DHRS4L2: variants seen among roughly 807,000 people sequenced by gnomAD.
DHRS4L2 encodes dehydrogenase/reductase SDR family member 4-like 2.
In DHRS4L2, 22 loss-of-function variants were observed where a neutral mutation model predicts 23.9. That is an observed-to-expected ratio of 0.92 (90% CI 0.66 to 1.31). The LOEUF (loss-of-function observed/expected upper bound fraction) is 1.31, where lower values mean the gene tolerates loss of function less well. Among genes scored for constraint, DHRS4L2 ranks in the 40% most tolerant of loss-of-function variants. The pLI is 0.00. For synonymous variants in DHRS4L2, 141 were observed against 123.7 expected, an observed-to-expected ratio of 1.14 and a Z score of -0.93; for missense variants, 385 against 303.3, an observed-to-expected ratio of 1.27 and a Z score of -2.00.
At chr14:24,000,433 G>A (rs1462630798) in intron 3 of DHRS4L2, among the ~76,000 whole-genome samples, 1 of 151,686 alleles carries the variant, frequency 6.6e-6, no homozygotes, top group East Asian at 1.9e-4. Context: ...CCAGAAGCCA[G>A]AGAAGTGCTA....
intron 3 of DHRS4L2, 94 bp from the exon 4 acceptor site, chr14:24,000,769 A>G: frequency 9.1e-7 from 1 of 1,098,246 alleles, no homozygotes; most frequent in Non-Finnish European, 1.3e-6. Context: ...CAGCTCTGAC[A>G]AACATCCTAG....
chr14:24,005,781 T>A lies in DHRS4L2; in HGVS notation c.*23-105T>A, dbSNP rs867111416. ...AAGCTTGTACACTGATCCTGAAAAGTCATCTGATAATTCTTGATTAAGCAA... is the reference window on the plus strand; with the variant it reads ...AAGCTTGTACACTGATCCTGAAAAGACATCTGATAATTCTTGATTAAGCAA... On this transcript the variant is annotated intron_variant, in intron 7 of 7. Coordinates refer to ENST00000335125, the MANE Select transcript of DHRS4L2 (RefSeq NM_198083.4). 224 of 1,547,548 alleles carry A rather than the reference T, an allele frequency of 1.4e-4. 1 individual carries two copies. Among genetic ancestry groups the A allele is most frequent in the Non-Finnish European group, 4.4e-5 (50 of 1,145,474 alleles).
chr14:23,987,984 C>G (rs1309452522), upstream of DHRS4L2, among the ~76,000 whole-genome samples: 1 of 151,708 alleles, frequency 6.6e-6, no homozygotes, highest in African/African-American at 2.4e-5. Flanking sequence ...GTCTTGGACA[C>G]AGAATTTATA....
chr14:23,989,225 AG>A, intron 1 of DHRS4L2, 150 bp downstream of exon 1: 1 of 1,427,998 alleles, frequency 7.0e-7, no homozygotes, highest in Non-Finnish European at 9.3e-7. Flanking sequence ...GTCCGCCTGA[AG>A]CCCCTCCGAA....
At chr14:23,991,684 T>C (rs1251331685) in intron 2 of DHRS4L2, among the ~76,000 whole-genome samples, 2 of 150,030 alleles carry the variant, frequency 1.3e-5, no homozygotes, top group Non-Finnish European at 3.0e-5. Context: ...GGCTCAGGAG[T>C]ACTGCTGGGG....
chr14:23,978,196 AAC>A (rs2034003196), intron 1 of DHRS4L2, among the ~76,000 whole-genome samples: 1 of 151,356 alleles, frequency 6.6e-6, no homozygotes, highest in Admixed American at 6.6e-5. Flanking sequence ...ATTTGTACCA[AAC>A]ACACAAAAAT....
In DHRS4L2 at chr14:23,979,343, GGGAGAC is replaced by G. The variant is rs747505738; in HGVS notation, c.-176+9013_-176+9018del. ...ACTTAGACTCCCACACAATAGCAATGGGAGACGTTAACACCCCAACACCCCACTGTC... is the reference window on the plus strand; with the variant it reads ...ACTTAGACTCCCACACAATAGCAATGGTTAACACCCCAACACCCCACTGTC... On this transcript the variant is annotated intron_variant, in intron 1 of 5. Transcript: ENST00000534993. Among the ~76,000 whole-genome samples, 110 of 120,540 alleles carry G rather than the reference GGGAGAC, an allele frequency of 9.1e-4. 5 individuals are homozygous for G. The highest frequency in any genetic ancestry group is 1.4e-3 in the Non-Finnish European group (82 of 60,530). 79.1% of individuals were successfully genotyped at this position (120,540 alleles called of 152,430 possible).
rs1156367773 is a variant in DHRS4L2, at chr14:23,999,365, A to AC, written c.409-1498_409-1497insC. On this transcript the variant is annotated intron_variant, in intron 3 of 7. Coordinates refer to ENST00000335125, the MANE Select transcript of DHRS4L2 (RefSeq NM_198083.4). ...TTTGTAAAAAAAAAAAAAAAAAAAA[A>AC]AAAAAAAAACAATATCTGCAAAGCA... 7.7e-4 allele frequency among the ~76,000 whole-genome samples: 111 copies of AC among 143,628 alleles called. 3 individuals are homozygous for AC. Among genetic ancestry groups the AC allele is most frequent in the East Asian group, 5.1e-3 (26 of 5,072 alleles). The allele number at this position is 143,628 out of a possible 152,430, so 94.2% of individuals were successfully genotyped here.
chr14:23,997,666 T>C, intron 3 of DHRS4L2, among the ~76,000 whole-genome samples: 1 of 147,100 alleles, frequency 6.8e-6, no homozygotes. Flanking sequence ...CATCTACATT[T>C]TATCGTGAGA....
upstream of DHRS4L2, chr14:23,988,781 G>C (rs111695788): frequency 0.022 from 31,191 of 1,403,290 alleles, 993 homozygotes; most frequent in Non-Finnish European, 0.024. Flanking sequence ...CTGCGGGGCG[G>C]GGCGACTGGC....
At position 23,990,330 on chromosome 14, in the gene DHRS4L2, G is replaced by C. The variant is rs1315647739; in HGVS notation, c.277G>C (p.Ala93Pro). 1 of 1,611,892 alleles carries C rather than the reference G, an allele frequency of 6.2e-7. No homozygotes were observed. Among genetic ancestry groups the C allele is most frequent in the Admixed American group, 1.7e-5 (1 of 59,922 alleles). ...VTGTVCHVGK[A>P]EDRERLVAMA... ...GGGCACTGTGTGCCATGTGGGGAAG[G>C]CGGAGGACCGGGAGCGGCTGGTGGC... is the stretch of plus-strand genomic sequence containing the variant. The change falls in exon 2 of 8, where the codon GCG becomes CCG. Residue 93 changes from alanine (A) to proline (P), a missense_variant. Ala to Pro is a conservative substitution (Grantham distance 27). Coordinates refer to ENST00000335125, the MANE Select transcript of DHRS4L2 (RefSeq NM_198083.4).
intron 3 of DHRS4L2, among the ~76,000 whole-genome samples, 176 bp from the exon 4 acceptor site, chr14:24,000,687 T>A (rs1221950142): frequency 6.6e-6 from 1 of 151,852 alleles, no homozygotes; most frequent in Non-Finnish European, 1.5e-5. Flanking sequence ...GAGCAGCTGG[T>A]GAGAGCTACT....
At chr14:23,998,591 T>C (rs1364254061) in intron 3 of DHRS4L2, among the ~76,000 whole-genome samples, 29 of 151,398 alleles carry the variant, frequency 1.9e-4, no homozygotes, top group African/African-American at 6.8e-4. Flanking sequence ...AGGTGGCTTC[T>C]TAAACCTCAT....
chr14:23,979,265 C>G (rs1566488179), intron 1 of DHRS4L2, among the ~76,000 whole-genome samples: 2 of 144,808 alleles, frequency 1.4e-5, no homozygotes, highest in Non-Finnish European at 3.0e-5. Flanking sequence ...TATATGTACC[C>G]AATACAGGAG....
At chr14:23,976,186 G>GA (rs2033959992) in intron 1 of DHRS4L2, among the ~76,000 whole-genome samples, 1 of 151,766 alleles carries the variant, frequency 6.6e-6, no homozygotes, top group African/African-American at 2.4e-5. Context: ...CAGAATAGGA[G>GA]AAAATTCTTG....
chr14:23,970,359 G>T (rs554979719), intron 1 of DHRS4L2: 1 of 404,216 alleles, frequency 2.5e-6, no homozygotes, highest in Non-Finnish European at 4.9e-6. Flanking sequence ...GGTGGGGGGC[G>T]GGGGGCCGAA....
At chr14:24,005,602 CT>C (rs2034556685) in intron 7 of DHRS4L2, among the ~76,000 whole-genome samples, 3 of 152,078 alleles carry the variant, frequency 2.0e-5, no homozygotes, top group Admixed American at 1.3e-4. Context: ...ACCATTTTAT[CT>C]ATATAACTTT....
At chr14:23,974,384 CAAAT>C (rs552896204) in intron 1 of DHRS4L2, among the ~76,000 whole-genome samples, 136 of 150,562 alleles carry the variant, frequency 9.0e-4, no homozygotes, top group Middle Eastern at 3.4e-3. Context: ...CAGAAGACAA[CAAAT>C]AATGATGATC....
chr14:23,988,883 G>T, upstream of DHRS4L2: 2 of 1,583,250 alleles, frequency 1.3e-6, no homozygotes, highest in Non-Finnish European at 1.7e-6. Flanking sequence ...CCTTCGTCCT[G>T]CCCCTTCGCC....
Sources: gnomAD v4.1 joint callset for allele counts (sites outside exome capture counted in the v4.1 genomes callset) on GRCh38, gnomAD v4.1.1 for gene constraint, MANE v1.5 for transcripts, NCBI Gene and HGNC (gene_info 2026-07-23, HGNC 2026-07-21) for gene names.